Variants in GCAT observed in about 807,000 individuals in gnomAD.
GCAT encodes 2-amino-3-ketobutyrate coenzyme A ligase, mitochondrial.
In GCAT, 26 loss-of-function variants were observed where a neutral mutation model predicts 39.7. The ratio of observed to expected loss-of-function variants is 0.65; its 90% CI spans 0.48 to 0.91. GCAT has a LOEUF of 0.91. Ranked by LOEUF, GCAT falls within the 40% of genes least tolerant of loss-of-function variation. GCAT has a pLI of 0.00. For synonymous variants in GCAT, 218 were observed against 237.2 expected (o/e 0.92, Z 0.74); for missense variants, 550 against 576.2 (o/e 0.95, Z 0.47).
intron 6 of GCAT, 35 bp from the exon 7 acceptor site, chr22:37,815,628 C>A: frequency 6.5e-7 from 1 of 1,546,528 alleles, no homozygotes; most frequent in Non-Finnish European, 8.9e-7. Context: ...TGGCCCCTGA[C>A]CAACCCCTCC....
intron 3 of GCAT, chr22:37,813,221 C>G: frequency 3.0e-6 from 2 of 658,208 alleles, no homozygotes; most frequent in East Asian, 5.4e-5. Context: ...AGCTGGAAGG[C>G]TGGGGGAGGC....
chr22:37,810,027 G>T lies in GCAT; in HGVS notation c.197G>T (p.Gly66Val). Residue 66 changes from glycine (G) to valine (V), a missense_variant and splice_region_variant, in exon 2 of 9, where the codon GGA becomes GTA. By Grantham distance (109) the Gly-to-Val change is moderately radical. Transcript: ENST00000248924. Reference protein sequence around the residue: ...PHIRVDGVSGGILNFCANNYL... With the variant: ...PHIRVDGVSGVILNFCANNYL... ...ATCCATCTCCTCTCCTTCACCTCAG[G>T]AATCCTTAACTTCTGTGCCAACAAC... 2 of 1,613,966 alleles carry T rather than the reference G, an allele frequency of 1.2e-6. No homozygotes were observed. The highest frequency in any genetic ancestry group is 1.7e-6 in the Non-Finnish European group (2 of 1,179,894).
rs1921406158 is a variant in GCAT at position 37,810,061 on chromosome 22, C to T, written c.231C>T (p.Gly77=). ...ACTTCTGTGCCAACAACTACCTGGG[C>T]CTGAGCAGCCACCCTGAGGTGATCC... ...ILNFCANNYL[G]LSSHPEVIQA... The change falls in exon 2 of 9, where the codon GGC becomes GGT. Residue 77 remains glycine, a synonymous_variant. Coordinates refer to ENST00000248924, the MANE Select transcript of GCAT (RefSeq NM_014291.4). 1.2e-6 allele frequency: 2 copies of T among 1,614,092 alleles called. No homozygotes were observed. Among genetic ancestry groups the T allele is most frequent in the South Asian group, 1.1e-5 (1 of 91,086 alleles).
chr22:37,813,263 C>T (rs1339013915), intron 3 of GCAT, 200 bp from the exon 4 acceptor site: 1 of 713,596 alleles, frequency 1.4e-6, no homozygotes, highest in Non-Finnish European at 2.6e-6. Context: ...TATATTCTCA[C>T]CTCCTCTTAC....
At chr22:37,812,342 T>G (rs996286623) in intron 2 of GCAT, among the ~76,000 whole-genome samples, 2 of 151,486 alleles carry the variant, frequency 1.3e-5, no homozygotes, top group African/African-American at 2.4e-5. Context: ...CCTGTCTCAT[T>G]TGCCAAAAAA....
intron 1 of GCAT, among the ~76,000 whole-genome samples, chr22:37,809,791 A>G (rs1921365312): frequency 2.0e-5 from 3 of 151,776 alleles, no homozygotes. Context: ...CTGTACTCCA[A>G]CCTGGGCGAC....
At chr22:37,809,440 C>T (rs1231453219) in intron 1 of GCAT, among the ~76,000 whole-genome samples, 3 of 152,136 alleles carry the variant, frequency 2.0e-5, no homozygotes, top group Non-Finnish European at 4.4e-5. Context: ...ACCAAGGGGT[C>T]AGATAAGGAG....
rs759488497 is a variant in GCAT, at chr22:37,810,060, G to A, written c.230G>A (p.Gly77Asp). The A allele has an allele frequency of 1.9e-6, 3 of 1,614,098 alleles. No individual in the cohort carries two copies. Among genetic ancestry groups the A allele is most frequent in the Admixed American group, 3.3e-5 (2 of 60,024 alleles). The change falls in exon 2 of 9, where the codon GGC becomes GAC. Residue 77 changes from glycine (G) to aspartate (D), a missense_variant. Around this residue, in one of 3 missense-constraint regions of GCAT, gnomAD observed 154 missense variants for 141.9 expected, o/e 1.08. Transcript: ENST00000248924. Reference sequence around the variant, plus strand: ...AACTTCTGTGCCAACAACTACCTGGGCCTGAGCAGCCACCCTGAGGTGATC... The same window carrying A: ...AACTTCTGTGCCAACAACTACCTGGACCTGAGCAGCCACCCTGAGGTGATC... ...ILNFCANNYL[G>D]LSSHPEVIQA... is the part of the protein sequence containing the mutation.
In GCAT at chr22:37,815,661, A is replaced by C. The variant is rs763352978; in HGVS notation, c.815-2A>C. The C allele has an allele frequency of 1.2e-6, 2 of 1,606,994 alleles. No individual in the cohort carries two copies. Among genetic ancestry groups the C allele is most frequent in the African/African-American group, 2.7e-5 (2 of 74,666 alleles). On this transcript the variant is annotated splice_acceptor_variant, in intron 6 of 8. Transcript: ENST00000248924. LOFTEE classifies it high-confidence loss of function. ...TCCCCCCACCTCTTCCCTTCTTCTCAGGGGGCTACACGACAGGGCCTGGGC... is the reference window on the plus strand; with the variant it reads ...TCCCCCCACCTCTTCCCTTCTTCTCCGGGGGCTACACGACAGGGCCTGGGC...
In GCAT at chr22:37,815,658, C is replaced by G; in HGVS notation, c.815-5C>G. The G allele has an allele frequency of 6.2e-7, 1 of 1,606,128 alleles. No individual in the cohort carries two copies. The highest frequency in any genetic ancestry group is 8.5e-7 in the Non-Finnish European group (1 of 1,174,116). ...CCCTCCCCCCACCTCTTCCCTTCTT[C>G]TCAGGGGGCTACACGACAGGGCCTG... On this transcript the variant is annotated splice_region_variant and splice_polypyrimidine_tract_variant and intron_variant, in intron 6 of 8. Transcript: ENST00000248924.
rs777706135 is a variant in GCAT, at chr22:37,813,503, T to C, written c.470T>C (p.Leu157Pro). 5.6e-6 allele frequency: 9 copies of C among 1,611,462 alleles called. No homozygotes were observed. The highest frequency in any genetic ancestry group is 7.6e-6 in the Non-Finnish European group (9 of 1,179,156). The change falls in exon 4 of 9, where the codon CTG (leucine) becomes CCG (proline). Residue 157 changes from leucine (L) to proline (P), a missense_variant. Leu to Pro is a moderately conservative substitution (Grantham distance 98). Coordinates refer to ENST00000248924, the MANE Select transcript of GCAT (RefSeq NM_014291.4). ...GAGGACGCAGTCCTGTCGGACGAGC[T>C]GAACCATGCCTCCATCATCGACGGC... ...TPEDAVLSDELNHASIIDGIR... is the reference protein window; with the variant it reads ...TPEDAVLSDEPNHASIIDGIR...
At chr22:37,816,985 C>G, downstream of GCAT, 1 of 414,658 alleles carries the variant, frequency 2.4e-6, no homozygotes, top group East Asian at 4.2e-5. Context: ...TGAGGGGAGG[C>G]GCCTGAGGAC....
rs2145925596 is a variant in GCAT, at chr22:37,813,448, A to G, written c.430-15A>G. The G allele has an allele frequency of 6.3e-7, 1 of 1,584,878 alleles. No individual in the cohort carries two copies. Among genetic ancestry groups the G allele is most frequent in the Non-Finnish European group, 8.6e-7 (1 of 1,165,324 alleles). On this transcript the variant is annotated splice_polypyrimidine_tract_variant and intron_variant, in intron 3 of 8. Transcript: ENST00000248924. ...GTGGTTAAATGATGGCTCTACGCTC[A>G]CTGCCTCCCTCCAGGCCCTGCTGAC...
In GCAT at chr22:37,807,981, A is replaced by G; in HGVS notation, c.14A>G (p.Asn5Ser). MWPG[N>S]AWRAALFWVP... is the part of the protein sequence containing the mutation. ...GAGGTAGGAGCGATGTGGCCTGGGA[A>G]CGCCTGGCGCGCCGCACTCTTCTGG... Residue 5 changes from asparagine to serine, a missense_variant, in exon 1 of 9, where the codon AAC becomes AGC. Coordinates refer to ENST00000248924, the MANE Select transcript of GCAT (RefSeq NM_014291.4). 1 of 1,535,260 alleles carries G rather than the reference A, an allele frequency of 6.5e-7. No homozygotes were observed. The highest frequency in any genetic ancestry group is 2.2e-4 in the Middle Eastern group (1 of 4,588).
chr22:37,813,207 C>T (rs1921784378), intron 3 of GCAT: 2 of 651,448 alleles, frequency 3.1e-6, no homozygotes, highest in South Asian at 3.6e-5. Context: ...GGATAAGCTA[C>T]ATCAGCTGGA....
At chr22:37,816,057 T>C in intron 7 of GCAT, 143 bp from the exon 8 acceptor site, 1 of 1,082,086 alleles carries the variant, frequency 9.2e-7, no homozygotes, top group South Asian at 1.6e-5. Flanking sequence ...CCTGCCTGGC[T>C]CCCCTCTGCC....
intron 2 of GCAT, among the ~76,000 whole-genome samples, chr22:37,810,993 A>T (rs1249610253): frequency 6.6e-6 from 1 of 152,152 alleles, no homozygotes; most frequent in Non-Finnish European, 1.5e-5. Context: ...ATAAGAAAAG[A>T]GGAGTAGGCG....
In GCAT at chr22:37,816,715, C is replaced by T; in HGVS notation, c.1257C>T (p.Pro419=). 6.2e-7 allele frequency: 1 copy of T among 1,613,934 alleles called. No homozygotes were observed. The highest frequency in any genetic ancestry group is 8.5e-7 in the Non-Finnish European group (1 of 1,180,020). Residue 419 remains proline, a synonymous_variant, in exon 9 of 9, where the codon CCC becomes CCT. Transcript: ENST00000248924. ...VEVGRLHGAL[P] is the part of the protein sequence containing the mutation. ...TGGGGCGACTGCACGGGGCACTGCC[C>T]TGAGCTCTGGGTAAGGACGAGAAGA...
Position 37,816,799 on chromosome 22 carries a change from G to C in GCAT, c.*81G>C. On this transcript the variant is annotated 3_prime_UTR_variant, in exon 9 of 9. Transcript: ENST00000248924. ...AGGTTTTCGATCAGCCCAGACCAGA[G>C]GCTCTGAGCCCTGAACCAAAGTCCC... The C allele has an allele frequency of 6.9e-7, 1 of 1,449,560 alleles. No homozygotes were observed. The highest frequency in any genetic ancestry group is 9.6e-7 in the Non-Finnish European group (1 of 1,046,620). 89.8% of individuals were successfully genotyped at this position (1,449,560 alleles called of 1,614,324 possible).
Sources: allele counts gnomAD v4.1 joint callset (sites outside exome capture counted in the v4.1 genomes callset), GRCh38; gene constraint gnomAD v4.1.1; regional missense constraint gnomAD v4.1.1; transcripts MANE v1.5; gene names NCBI Gene and HGNC (gene_info 2026-07-23, HGNC 2026-07-21).